The following THNSL1 variants were observed in gnomAD, a reference collection of about 807,000 sequenced individuals.
The protein encoded by THNSL1 is threonine synthase-like 1.
Under a neutral mutation model 50.4 loss-of-function variants are expected in THNSL1, and 48 were observed. The observed-to-expected ratio is 0.95, with a 90% CI of 0.76 to 1.21. THNSL1 has a LOEUF of 1.21. THNSL1 is among the 50% of genes most tolerant of loss of function. The pLI, the probability that THNSL1 is intolerant of heterozygous loss-of-function variation, is 0.00. For missense variants in THNSL1, 896 were observed against 871.7 expected (o/e 1.03, Z -0.35); for synonymous variants, 309 against 306.1 (o/e 1.01, Z -0.10).
the THNSL1 span, among the ~76,000 whole-genome samples, chr10:25,007,608 G>A: frequency 6.6e-6 from 1 of 152,018 alleles, no homozygotes; most frequent in East Asian, 1.9e-4. Context: ...GTAATTTTTT[G>A]TATTTTTAGT....
the THNSL1 span, chr10:24,995,820 C>T: frequency 1.9e-5 from 30 of 1,613,634 alleles, no homozygotes; most frequent in Non-Finnish European, 2.3e-5. Flanking sequence ...GATGATCAGT[C>T]TTCAATGGCA....
intron 2 of THNSL1, 22 bp from the exon 3 acceptor site, chr10:25,023,154 G>T: frequency 2.7e-6 from 4 of 1,457,848 alleles, no homozygotes; most frequent in Admixed American, 4.6e-5. Context: ...GTTGTTTTTT[G>T]TTTGTTTTGT....
the THNSL1 span, among the ~76,000 whole-genome samples, chr10:24,967,058 T>C: frequency 1.3e-5 from 2 of 152,184 alleles, no homozygotes; most frequent in Non-Finnish European, 2.9e-5. Context: ...GAACAAGGTC[T>C]GCTGCTTTGC....
chr10:25,024,138 AC>A lies in THNSL1; in HGVS notation c.917del (p.Pro306LeufsTer8). On this transcript the variant is annotated frameshift_variant, in exon 3 of 3. Transcript: ENST00000376356. LOFTEE classifies it high-confidence loss of function. ...AAAGATGTATCCATCCTGCAGACAT[AC>A]CTGCTGCCAGGTTGGGAGAAATGAT... ...LERCIHPADI[P>X]AARLGEMIET... is the part of the protein sequence containing the mutation. The A allele has an allele frequency of 6.2e-7, 1 of 1,614,198 alleles. No individual in the cohort carries two copies. Among genetic ancestry groups the A allele is most frequent in the Non-Finnish European group, 8.5e-7 (1 of 1,180,028 alleles).
chr10:25,016,333 A>G (rs1216324900), upstream of THNSL1, among the ~76,000 whole-genome samples: 2 of 152,158 alleles, frequency 1.3e-5, no homozygotes, highest in Non-Finnish European at 2.9e-5. Flanking sequence ...CCCCTTAAAA[A>G]CTGTGCTCTT....
At chr10:25,014,085 G>A (rs1850511527), upstream of THNSL1, among the ~76,000 whole-genome samples, 1 of 152,186 alleles carries the variant, frequency 6.6e-6, no homozygotes, top group East Asian at 1.9e-4. Context: ...TTAAGTCTCA[G>A]CCAATAGTTC....
At chr10:24,960,980 T>C in the THNSL1 span, among the ~76,000 whole-genome samples, 3 of 152,234 alleles carry the variant, frequency 2.0e-5, no homozygotes, top group Admixed American at 6.5e-5. Context: ...ACCTGACTCA[T>C]AGAGGGTCAA....
the THNSL1 span, among the ~76,000 whole-genome samples, chr10:24,977,920 T>A: frequency 2.0e-5 from 3 of 152,202 alleles, no homozygotes; most frequent in African/African-American, 7.2e-5. Context: ...AGCAATATCA[T>A]TTAGATAAGT....
the THNSL1 span, chr10:24,982,944 A>G: frequency 2.6e-5 from 4 of 152,248 alleles, no homozygotes; most frequent in African/African-American, 9.6e-5. Context: ...CATAATATCC[A>G]TAAGGCTAAA....
At chr10:25,016,410 G>C (rs1447023140), upstream of THNSL1, among the ~76,000 whole-genome samples, 2 of 152,236 alleles carry the variant, frequency 1.3e-5, no homozygotes, top group Non-Finnish European at 2.9e-5. Context: ...CAGCTGGTGC[G>C]CAGGCGTCAC....
At position 25,024,611 on chromosome 10, in the gene THNSL1, C is replaced by CAA. The variant is rs748378152; in HGVS notation, c.1389_1390dup (p.Ile464LysfsTer3). 1 of 1,614,198 alleles carries CAA rather than the reference C, an allele frequency of 6.2e-7. No individual in the cohort carries two copies. The highest frequency in any genetic ancestry group is 1.1e-5 in the South Asian group (1 of 91,084). On this transcript the variant is annotated frameshift_variant, in exon 3 of 3. Transcript: ENST00000376356. LOFTEE classifies it high-confidence loss of function. ...GGCTTTCTTACTGTGGAATATGGAA[C>CAA]AATCTTAAGTTCGGCTAACTCCATA...
chr10:25,014,789 A>C (rs1327015508), upstream of THNSL1, among the ~76,000 whole-genome samples: 1 of 152,166 alleles, frequency 6.6e-6, no homozygotes, highest in Non-Finnish European at 1.5e-5. Context: ...GCTAATGGAG[A>C]TGTAATACAG....
At chr10:24,976,149 C>T in the THNSL1 span, among the ~76,000 whole-genome samples, 78,694 of 152,098 alleles carry the variant, frequency 0.52, 22,703 homozygotes, top group African/African-American at 0.79. Flanking sequence ...TCCTAAGTAC[C>T]TTTAGCAAGA....
At chr10:24,952,404 G>T in the THNSL1 span, 3 of 1,149,420 alleles carry the variant, frequency 2.6e-6, no homozygotes, top group South Asian at 1.4e-5. The surrounding 1 kb of genome is among the most constrained non-coding windows in gnomAD (Gnocchi z 5.1). Flanking sequence ...GATCCCCGCC[G>T]GGAGGGAGAA....
At chr10:24,952,558 C>T in the THNSL1 span, 81 of 1,592,204 alleles carry the variant, frequency 5.1e-5, no homozygotes, top group Non-Finnish European at 6.6e-5. The surrounding 1 kb of genome is among the most constrained non-coding windows in gnomAD (Gnocchi z 5.1). Context: ...CTGGCGCCTC[C>T]TCGCTGCTCC....
chr10:24,967,185 C>A, the THNSL1 span, among the ~76,000 whole-genome samples: 1 of 151,280 alleles, frequency 6.6e-6, no homozygotes, highest in African/African-American at 2.4e-5. Flanking sequence ...TGTGTGTGTG[C>A]GTGTGTGTGT....
chr10:24,988,332 A>ATG, the THNSL1 span, among the ~76,000 whole-genome samples: 1 of 144,932 alleles, frequency 6.9e-6, no homozygotes, highest in Non-Finnish European at 1.5e-5. Context: ...ATATTTATAT[A>ATG]TGTGTATATA....
At chr10:25,016,235 TCTTTCTG>T, upstream of THNSL1, 2 of 1,057,230 alleles carry the variant, frequency 1.9e-6, no homozygotes, top group African/African-American at 3.3e-5. Context: ...CCCTCTTCCC[TCTTTCTG>T]CAGCGCCTTC....
At chr10:24,954,587 C>G in the THNSL1 span, among the ~76,000 whole-genome samples, 1 of 152,088 alleles carries the variant, frequency 6.6e-6, no homozygotes, top group Non-Finnish European at 1.5e-5. Flanking sequence ...TAAAATCCAA[C>G]AAGTTCACAG....
Sources: gnomAD v4.1 joint callset for allele counts (sites outside exome capture counted in the v4.1 genomes callset) on GRCh38, gnomAD v4.1.1 for gene constraint, Gnocchi (gnomAD v3.1) non-coding constraint, MANE v1.5 for transcripts, NCBI Gene and HGNC (gene_info 2026-07-23, HGNC 2026-07-21) for gene names.